The following DDX10 variants were observed in gnomAD, a reference collection of about 807,000 sequenced individuals.
The protein encoded by DDX10 is probable ATP-dependent RNA helicase DDX10.
A neutral mutation model predicts 104.3 loss-of-function variants in DDX10; 74 were observed. The ratio of observed to expected loss-of-function variants is 0.71; its 90% CI spans 0.59 to 0.86. The LOEUF (loss-of-function observed/expected upper bound fraction) is 0.86, where lower values mean the gene tolerates loss of function less well. Among genes scored for constraint, DDX10 ranks in the 40% least tolerant of loss-of-function variants. DDX10 has a pLI of 0.00. For missense variants in DDX10, 952 were observed against 1,040.0 expected, an observed-to-expected ratio of 0.92 and a Z score of 1.16; for synonymous variants, 351 against 353.4, an observed-to-expected ratio of 0.99 and a Z score of 0.08.
chr11:108,790,333 C>T (rs550692065), intron 13 of DDX10, among the ~76,000 whole-genome samples: 1 of 152,252 alleles, frequency 6.6e-6, no homozygotes, highest in African/African-American at 2.4e-5. Context: ...CAATGAACTA[C>T]AAAGAGAATA....
rs148100691 is a variant in DDX10, at chr11:108,936,182, C to T, written c.2451-4064C>T. Among the ~76,000 whole-genome samples, 208 of 152,286 alleles carry T rather than the reference C, an allele frequency of 1.4e-3. 1 individual carries two copies. The highest frequency in any genetic ancestry group is 4.8e-3 in the African/African-American group (200 of 41,574). On this transcript the variant is annotated intron_variant, in intron 17 of 17. Transcript: ENST00000322536. ...ACAGGAACAGAGATTATGTAGCATA[C>T]CTACTCTGTCATCATGTGTTCAGAT... is the stretch of plus-strand genomic sequence containing the variant.
chr11:108,692,156 A>G (rs1047735860), intron 8 of DDX10, 118 bp downstream of exon 8: 1 of 932,388 alleles, frequency 1.1e-6, no homozygotes, highest in African/African-American at 1.7e-5. Context: ...TTATTTTGTA[A>G]GAGAAAAGTA....
chr11:108,793,132 A>G (rs1293984109), intron 13 of DDX10, among the ~76,000 whole-genome samples: 1 of 152,186 alleles, frequency 6.6e-6, no homozygotes, highest in Non-Finnish European at 1.5e-5. Flanking sequence ...AGAGGGACTG[A>G]GCATGACCTC....
chr11:108,801,614 A>G (rs1187844501), intron 13 of DDX10, among the ~76,000 whole-genome samples: 3 of 152,310 alleles, frequency 2.0e-5, no homozygotes, highest in East Asian at 1.9e-4. Context: ...TAATGCATCT[A>G]TCCCCAGAAA....
At chr11:108,729,038 A>G (rs943143393) in intron 13 of DDX10, among the ~76,000 whole-genome samples, 2 of 151,968 alleles carry the variant, frequency 1.3e-5, no homozygotes, top group South Asian at 2.1e-4. Context: ...CACTTTCACT[A>G]CTCTCACCAG....
intron 13 of DDX10, among the ~76,000 whole-genome samples, chr11:108,788,037 G>T (rs1437629968): frequency 6.6e-6 from 1 of 152,172 alleles, no homozygotes; most frequent in African/African-American, 2.4e-5. Flanking sequence ...CAAGCTTCTG[G>T]ATTGTTTTAC....
At position 108,700,475 on chromosome 11, in the gene DDX10, G is replaced by A. The variant is rs188740415; in HGVS notation, c.1224-6264G>A. On this transcript the variant is annotated intron_variant, in intron 9 of 17. Transcript: ENST00000322536. ...CATCTAATGGATTACATCTAATAGC[G>A]CAGACCTGCAGCTCCCATGCAGGGC... 5.3e-5 allele frequency among the ~76,000 whole-genome samples: 8 copies of A among 152,290 alleles called. No individual in the cohort carries two copies. The East Asian group carries it at 9.6e-4, about 18-fold the overall frequency.
intron 1 of DDX10, among the ~76,000 whole-genome samples, chr11:108,673,192 A>G (rs1415338620): frequency 1.3e-5 from 2 of 152,154 alleles, no homozygotes; most frequent in African/African-American, 2.4e-5. Flanking sequence ...ACTGTGTTCA[A>G]CATTTTGGAG....
At chr11:108,912,380 C>T (rs1177303715) in intron 16 of DDX10, among the ~76,000 whole-genome samples, 1 of 152,054 alleles carries the variant, frequency 6.6e-6, no homozygotes, top group Non-Finnish European at 1.5e-5. Flanking sequence ...ATTCTCCTTC[C>T]TTAATATTTC....
intron 16 of DDX10, among the ~76,000 whole-genome samples, chr11:108,873,515 A>G (rs910555138): frequency 2.6e-5 from 4 of 152,176 alleles, no homozygotes; most frequent in African/African-American, 7.2e-5. Flanking sequence ...ATCTGTGGTT[A>G]TCTTTGTCTT....
intron 16 of DDX10, among the ~76,000 whole-genome samples, chr11:108,891,774 T>A (rs1047072934): frequency 1.3e-5 from 2 of 152,098 alleles, no homozygotes; most frequent in Admixed American, 1.3e-4. Flanking sequence ...TAATTTACAC[T>A]CAGGATTGTG....
chr11:108,779,138 A>G (rs918042379), intron 13 of DDX10, among the ~76,000 whole-genome samples: 1 of 152,216 alleles, frequency 6.6e-6, no homozygotes, highest in African/African-American at 2.4e-5. Context: ...GTGATTCCTC[A>G]GGGATCTAGA....
chr11:108,858,520 C>T (rs1297356336), intron 16 of DDX10, among the ~76,000 whole-genome samples: 1 of 152,154 alleles, frequency 6.6e-6, no homozygotes, highest in East Asian at 1.9e-4. Flanking sequence ...TCCATTCTGC[C>T]AGACTGGATG....
chr11:108,915,338 A>G (rs1247607394), intron 16 of DDX10, among the ~76,000 whole-genome samples: 1 of 152,184 alleles, frequency 6.6e-6, no homozygotes, highest in African/African-American at 2.4e-5. Context: ...TAGGAAAACA[A>G]GAATTTTGGA....
intron 16 of DDX10, among the ~76,000 whole-genome samples, chr11:108,898,594 C>CT (rs1208602113): frequency 6.6e-6 from 1 of 150,630 alleles, no homozygotes; most frequent in African/African-American, 2.4e-5. Flanking sequence ...GTTGAAAATA[C>CT]ACCAGAATTT....
chr11:108,756,717 AC>A (rs1415307655), intron 13 of DDX10, among the ~76,000 whole-genome samples: 1 of 152,048 alleles, frequency 6.6e-6, no homozygotes, highest in African/African-American at 2.4e-5. Flanking sequence ...TTGCAGCCTC[AC>A]TAAAGCAAAT....
intron 17 of DDX10, chr11:108,922,367 A>G (rs974786899): frequency 1.3e-5 from 2 of 152,168 alleles, no homozygotes; most frequent in African/African-American, 4.8e-5. Context: ...ATTAGTTCCA[A>G]CCTAAACTAG....
At chr11:108,895,979 A>G (rs4753852) in intron 16 of DDX10, among the ~76,000 whole-genome samples, 11 of 151,762 alleles carry the variant, frequency 7.2e-5, no homozygotes, top group Non-Finnish European at 1.6e-4. Flanking sequence ...GCAATTCACT[A>G]TTTACCAAGC....
At chr11:108,892,118 G>A (rs752928179) in intron 16 of DDX10, among the ~76,000 whole-genome samples, 4 of 152,152 alleles carry the variant, frequency 2.6e-5, no homozygotes, top group Middle Eastern at 3.4e-3. Context: ...AAATTTGATC[G>A]CCCCCGAGTG....
Sources: gnomAD v4.1 joint callset for allele counts (sites outside exome capture counted in the v4.1 genomes callset) on GRCh38, gnomAD v4.1.1 for gene constraint, MANE v1.5 for transcripts, NCBI Gene and HGNC (gene_info 2026-07-23, HGNC 2026-07-21) for gene names.